Variants in IL1RAPL2 observed in about 807,000 individuals in gnomAD.
IL1RAPL2 encodes X-linked interleukin-1 receptor accessory protein-like 2.
IL1RAPL2 carries 3 observed loss-of-function variants against 44.1 expected under a neutral mutation model. The observed-to-expected ratio is 0.07, with a 90% confidence interval of 0.03 to 0.18. IL1RAPL2 has a LOEUF of 0.18. IL1RAPL2 is among the 10% of genes least tolerant of loss of function. The probability of loss-of-function intolerance (pLI) is 1.00; values close to 1 mark genes in which losing one functional copy is unlikely to be tolerated. For synonymous variants in IL1RAPL2, 181 were observed against 178.8 expected, an observed-to-expected ratio of 1.01 and a Z score of -0.10; for missense variants, 391 against 496.4, an observed-to-expected ratio of 0.79 and a Z score of 2.02.
chrX:104,641,572 A>G (rs770617505), intron 1 of IL1RAPL2, among the ~76,000 whole-genome samples: 1 of 111,786 alleles, frequency 8.9e-6, no homozygotes, highest in South Asian at 3.8e-4. Flanking sequence ...CTTGGCTCCC[A>G]GACTTGCCAG....
intron 2 of IL1RAPL2, among the ~76,000 whole-genome samples, chrX:104,994,675 T>C (rs1322504748): frequency 1.8e-5 from 2 of 111,197 alleles, no homozygotes; most frequent in Non-Finnish European, 3.8e-5. Context: ...AGGAGGCCAG[T>C]ATGAGGCTTT....
At chrX:105,724,939 T>G (rs2038338099) in intron 7 of IL1RAPL2, among the ~76,000 whole-genome samples, 3 of 111,632 alleles carry the variant, frequency 2.7e-5, no homozygotes, top group Admixed American at 1.9e-4. Context: ...ACCTCAGTCC[T>G]GTACCACTAC....
intron 1 of IL1RAPL2, chrX:104,647,509 G>T: frequency 1.9e-6 from 1 of 540,069 alleles, no homozygotes; most frequent in Non-Finnish European, 3.3e-6. Context: ...CATCGTCCAG[G>T]ATGAGCCCAA....
intron 2 of IL1RAPL2, among the ~76,000 whole-genome samples, chrX:105,192,695 C>T (rs2033642502): frequency 9.2e-6 from 1 of 108,976 alleles, no homozygotes; most frequent in South Asian, 4.0e-4. Context: ...TGTTATCATA[C>T]CTCTGGTCCA....
At chrX:105,738,053 A>G (rs1293421764) in intron 7 of IL1RAPL2, among the ~76,000 whole-genome samples, 1 of 111,717 alleles carries the variant, frequency 9.0e-6, no homozygotes, top group Non-Finnish European at 1.9e-5. Context: ...CAGATTTTAG[A>G]AACTCCATTC....
chrX:105,055,065 T>G (rs1307599525), intron 2 of IL1RAPL2, among the ~76,000 whole-genome samples: 1 of 112,395 alleles, frequency 8.9e-6, no homozygotes, highest in Non-Finnish European at 1.9e-5. Flanking sequence ...CATAGTTGTC[T>G]TAGTCTGTTT....
chrX:105,740,453 C>A, intron 7 of IL1RAPL2, 93 bp from the exon 8 acceptor site: 1 of 886,934 alleles, frequency 1.1e-6, no homozygotes, highest in Non-Finnish European at 1.6e-6. Context: ...TCATCAGAGA[C>A]CTGTGTGAGC....
chrX:105,224,287 A>G (rs2033994923), intron 3 of IL1RAPL2, among the ~76,000 whole-genome samples: 1 of 111,853 alleles, frequency 8.9e-6, no homozygotes, highest in Non-Finnish European at 1.9e-5. Flanking sequence ...TATTAGTTTC[A>G]TATAATGCAC....
chrX:105,535,086 A>G (rs1335704379), intron 6 of IL1RAPL2, among the ~76,000 whole-genome samples: 1 of 111,949 alleles, frequency 8.9e-6, no homozygotes, highest in Non-Finnish European at 1.9e-5. Flanking sequence ...AGGACAGGCT[A>G]TAAACTGTAT....
At chrX:105,280,053 A>T (rs748462193) in intron 5 of IL1RAPL2, among the ~76,000 whole-genome samples, 1 of 112,256 alleles carries the variant, frequency 8.9e-6, no homozygotes, top group East Asian at 2.8e-4. Context: ...AGTAACAAAA[A>T]CAGCATGGTA....
At chrX:104,638,219 C>A (rs1329325889) in intron 1 of IL1RAPL2, among the ~76,000 whole-genome samples, 1 of 107,827 alleles carries the variant, frequency 9.3e-6, no homozygotes, top group Non-Finnish European at 1.9e-5. Flanking sequence ...GTTTTTTTTT[C>A]ATTTCTGATT....
At chrX:104,665,742 C>T (rs988442398) in intron 2 of IL1RAPL2, among the ~76,000 whole-genome samples, 2 of 111,150 alleles carry the variant, frequency 1.8e-5, no homozygotes, top group African/African-American at 6.5e-5. Flanking sequence ...TTTTTAAATA[C>T]TGTGAAATAT....
chrX:104,939,377 A>G (rs1488333330), intron 2 of IL1RAPL2, among the ~76,000 whole-genome samples: 1 of 111,533 alleles, frequency 9.0e-6, no homozygotes, highest in African/African-American at 3.3e-5. Flanking sequence ...ATTTTATGGG[A>G]TTTCATAAAT....
At chrX:105,708,244 A>C (rs1383669376) in intron 6 of IL1RAPL2, among the ~76,000 whole-genome samples, 1 of 111,582 alleles carries the variant, frequency 9.0e-6, no homozygotes, top group Non-Finnish European at 1.9e-5. Flanking sequence ...AGACTTATCA[A>C]AGTGAATGGG....
chrX:104,719,765 A>G, intron 2 of IL1RAPL2, among the ~76,000 whole-genome samples: 1 of 111,571 alleles, frequency 9.0e-6, no homozygotes, highest in Non-Finnish European at 1.9e-5. Context: ...TGGGAAGGCC[A>G]TAGGAGAATT....
chrX:104,898,665 A>C (rs1285820333), intron 2 of IL1RAPL2, among the ~76,000 whole-genome samples: 2 of 112,279 alleles, frequency 1.8e-5, no homozygotes, highest in African/African-American at 6.5e-5. Context: ...TAGAAATGAA[A>C]ACTTAAAATA....
intron 1 of IL1RAPL2, among the ~76,000 whole-genome samples, chrX:104,575,946 T>C (rs915163899): frequency 1.8e-5 from 2 of 111,355 alleles, no homozygotes; most frequent in African/African-American, 6.5e-5. Flanking sequence ...AAAATCAATT[T>C]CCCTAACGTC....
At chrX:104,669,819 A>G (rs1358080436) in intron 2 of IL1RAPL2, among the ~76,000 whole-genome samples, 3 of 111,554 alleles carry the variant, frequency 2.7e-5, no homozygotes, top group Admixed American at 1.9e-4. Flanking sequence ...GGCACTTTGA[A>G]CTTCAAAACT....
intron 5 of IL1RAPL2, among the ~76,000 whole-genome samples, chrX:105,369,418 C>A (rs958038865): frequency 6.3e-5 from 7 of 110,975 alleles, no homozygotes; most frequent in Admixed American, 9.7e-5. Context: ...AGTGTCAAGT[C>A]ATGTTATTGC....
Sources: gnomAD v4.1 joint callset for allele counts (sites outside exome capture counted in the v4.1 genomes callset) on GRCh38, gnomAD v4.1.1 for gene constraint, MANE v1.5 for transcripts, NCBI Gene and HGNC (gene_info 2026-07-23, HGNC 2026-07-21) for gene names.